Variants in NHSL2 observed in about 807,000 individuals in gnomAD.
The protein encoded by NHSL2 is NHS-like protein 2.
In NHSL2, 27 loss-of-function variants were observed where a neutral mutation model predicts 53.4. The ratio of observed to expected loss-of-function variants is 0.51; its 90% CI spans 0.37 to 0.70. NHSL2 has a LOEUF of 0.70. NHSL2 is among the 30% of genes least tolerant of loss of function. The probability of loss-of-function intolerance (pLI) is 0.00; values close to 1 mark genes in which losing one functional copy is unlikely to be tolerated. For missense variants in NHSL2, 892 were observed against 980.1 expected (o/e 0.91, Z 1.20); for synonymous variants, 408 against 404.1 (o/e 1.01, Z -0.12).
intron 1 of NHSL2, among the ~76,000 whole-genome samples, chrX:72,118,266 T>C (rs73223154): frequency 0.011 from 1,208 of 112,148 alleles, 7 homozygotes; most frequent in Non-Finnish European, 0.017. Flanking sequence ...CATTTGTATA[T>C]AGTACTATCT....
chrX:72,016,536 T>G (rs1001982134), intron 1 of NHSL2, among the ~76,000 whole-genome samples: 6 of 111,725 alleles, frequency 5.4e-5, no homozygotes, highest in Non-Finnish European at 1.1e-4. Context: ...AGCAATGAGA[T>G]TATAGATTAA....
chrX:72,024,801 G>C (rs1008388413), intron 1 of NHSL2, among the ~76,000 whole-genome samples: 2 of 112,101 alleles, frequency 1.8e-5, no homozygotes, highest in Non-Finnish European at 3.8e-5. Context: ...CTGCTTGATC[G>C]TGTTATATTG....
chrX:72,073,809 A>G (rs1053894189), intron 1 of NHSL2, among the ~76,000 whole-genome samples: 2 of 112,453 alleles, frequency 1.8e-5, no homozygotes, highest in Non-Finnish European at 3.8e-5. Flanking sequence ...CATCTGTGAC[A>G]GGCATTAGTA....
chrX:72,065,436 C>T (rs1222796901), intron 1 of NHSL2, among the ~76,000 whole-genome samples: 3 of 111,997 alleles, frequency 2.7e-5, no homozygotes, highest in African/African-American at 9.8e-5. Flanking sequence ...GCTCAGCCAG[C>T]CAGAACTGAA....
At chrX:72,130,315 TC>T in intron 1 of NHSL2, 1 of 1,150,005 alleles carries the variant, frequency 8.7e-7, no homozygotes, top group Middle Eastern at 2.4e-4. Flanking sequence ...GTTCCTTATC[TC>T]CTCCTCCTCC....
At chrX:72,030,488 A>G (rs188941736) in intron 1 of NHSL2, among the ~76,000 whole-genome samples, 1 of 110,588 alleles carries the variant, frequency 9.0e-6, no homozygotes. Context: ...ATGAAGTTGT[A>G]TATGTATATG....
chrX:71,944,692 T>C (rs2041784284), intron 1 of NHSL2, among the ~76,000 whole-genome samples: 1 of 112,154 alleles, frequency 8.9e-6, no homozygotes, highest in Non-Finnish European at 1.9e-5. Context: ...AAATCATCCC[T>C]GCCCTTGGAG....
In NHSL2 at chrX:72,142,427, C is replaced by T. The variant is rs910612721; in HGVS notation, c.3356+63C>T. 2.4e-5 allele frequency: 20 copies of T among 848,355 alleles called. No individual in the cohort carries two copies. In the African/African-American group the frequency reaches 3.9e-4, roughly 17 times the overall value. 69.9% of individuals were successfully genotyped at this position (848,355 alleles called of 1,213,427 possible). The stretch of plus-strand genomic sequence containing the variant: ...TTCCCTTTTTGTACTTAAAGAAAAC[C>T]TGCTATTCCACATTGAAATCCTAAT... On this transcript the variant is annotated intron_variant, in intron 7 of 7. Coordinates refer to ENST00000633930, the MANE Select transcript of NHSL2 (RefSeq NM_001013627.3).
At chrX:71,949,925 A>G (rs941162274) in intron 1 of NHSL2, among the ~76,000 whole-genome samples, 2 of 112,554 alleles carry the variant, frequency 1.8e-5, no homozygotes, top group Non-Finnish European at 3.8e-5. Flanking sequence ...GTGGTGGGGG[A>G]AGCACTTCCC....
chrX:71,940,776 G>C (rs1253184829), intron 1 of NHSL2, among the ~76,000 whole-genome samples: 1 of 110,923 alleles, frequency 9.0e-6, no homozygotes, highest in Non-Finnish European at 1.9e-5. Flanking sequence ...AGTGCTCAGA[G>C]AGCCACTGGA....
At chrX:72,093,729 T>G (rs55750946) in intron 1 of NHSL2, among the ~76,000 whole-genome samples, 18,429 of 73,299 alleles carry the variant, frequency 0.25, 1,311 homozygotes, top group Admixed American at 0.29. Flanking sequence ...TTGCTTTCTT[T>G]CTTTCTTTCT....
At chrX:72,125,673 C>G (rs1307580840) in intron 1 of NHSL2, among the ~76,000 whole-genome samples, 1 of 112,113 alleles carries the variant, frequency 8.9e-6, no homozygotes, top group African/African-American at 3.3e-5. Context: ...CCTATCACTA[C>G]TTGTGATGTC....
At chrX:72,066,358 C>T (rs770043634) in intron 1 of NHSL2, among the ~76,000 whole-genome samples, 22 of 111,480 alleles carry the variant, frequency 2.0e-4, no homozygotes, top group South Asian at 7.5e-4. Flanking sequence ...TGGAGATAGA[C>T]GGGGGTCCAA....
chrX:71,917,249 C>T (rs2041632901), intron 1 of NHSL2, among the ~76,000 whole-genome samples: 1 of 76,556 alleles, frequency 1.3e-5, no homozygotes, highest in Non-Finnish European at 2.5e-5. Flanking sequence ...CTCCCTTCCT[C>T]TCTCCCTCCC....
At chrX:72,014,179 A>G (rs190214122) in intron 1 of NHSL2, among the ~76,000 whole-genome samples, 47 of 112,205 alleles carry the variant, frequency 4.2e-4, no homozygotes, top group Non-Finnish European at 7.3e-4. Flanking sequence ...TCCTGATATG[A>G]GCAATTTGTA....
intron 1 of NHSL2, among the ~76,000 whole-genome samples, chrX:72,013,798 TATA>T (rs1457576084): frequency 9.0e-6 from 1 of 111,265 alleles, no homozygotes; most frequent in Non-Finnish European, 1.9e-5. Context: ...TTTTTTAACT[TATA>T]ATAAGTGTTA....
intron 1 of NHSL2, among the ~76,000 whole-genome samples, chrX:71,932,333 A>G (rs1206287176): frequency 9.1e-6 from 1 of 109,863 alleles, no homozygotes; most frequent in Non-Finnish European, 1.9e-5. Context: ...TACAAGCACA[A>G]GAGAAAGAGC....
intron 1 of NHSL2, among the ~76,000 whole-genome samples, chrX:72,107,580 C>T (rs1030054884): frequency 2.7e-5 from 3 of 112,148 alleles, no homozygotes; most frequent in East Asian, 2.8e-4. Flanking sequence ...CTGCTGTCTC[C>T]TCTGCCCTCA....
At chrX:72,089,488 G>A (rs2041878356) in intron 1 of NHSL2, among the ~76,000 whole-genome samples, 1 of 111,124 alleles carries the variant, frequency 9.0e-6, no homozygotes, top group Non-Finnish European at 1.9e-5. Flanking sequence ...GTGAAAGGAA[G>A]TTCAATATAC....
Sources: gnomAD v4.1 joint callset for allele counts (sites outside exome capture counted in the v4.1 genomes callset) on GRCh38, gnomAD v4.1.1 for gene constraint, MANE v1.5 for transcripts, NCBI Gene and HGNC (gene_info 2026-07-23, HGNC 2026-07-21) for gene names.